CPXM2: variants seen among roughly 807,000 people sequenced by gnomAD.
CPXM2 encodes inactive carboxypeptidase-like protein X2.
CPXM2 carries 66 observed loss-of-function variants against 86.1 expected under a neutral mutation model. The observed-to-expected ratio is 0.77, with a 90% CI of 0.63 to 0.94. The LOEUF (loss-of-function observed/expected upper bound fraction) is 0.94, where lower values mean the gene tolerates loss of function less well. CPXM2 is among the 40% of genes least tolerant of loss of function. The probability of loss-of-function intolerance (pLI) is 0.00; values close to 1 mark genes in which losing one functional copy is unlikely to be tolerated. For missense variants in CPXM2, 948 were observed against 1,026.3 expected (o/e 0.92, Z 1.04); for synonymous variants, 388 against 400.2 (o/e 0.97, Z 0.36).
At chr10:123,829,872 G>A (rs1409252514) in intron 4 of CPXM2, among the ~76,000 whole-genome samples, 1 of 151,728 alleles carries the variant, frequency 6.6e-6, no homozygotes, top group East Asian at 1.9e-4. Flanking sequence ...CAGGAATGTA[G>A]GCTATCCTGG....
intron 1 of CPXM2, among the ~76,000 whole-genome samples, chr10:123,882,731 C>G (rs563193262): frequency 6.6e-6 from 1 of 152,136 alleles, no homozygotes; most frequent in East Asian, 1.9e-4. Context: ...ATGGCCTGGG[C>G]AGCTCCCAAT....
intron 2 of CPXM2, among the ~76,000 whole-genome samples, chr10:123,878,513 G>A (rs865818613): frequency 0.023 from 3,030 of 134,598 alleles, 46 homozygotes; most frequent in Middle Eastern, 0.035. Flanking sequence ...AGACGTGTGT[G>A]TGTGTGTGTG....
At chr10:123,828,798 T>A (rs935647667) in intron 4 of CPXM2, among the ~76,000 whole-genome samples, 2 of 152,228 alleles carry the variant, frequency 1.3e-5, no homozygotes, top group Admixed American at 1.3e-4. Context: ...GTTTGAGATC[T>A]AGGGCTTGAT....
At chr10:123,867,503 G>T (rs955560757) in intron 2 of CPXM2, among the ~76,000 whole-genome samples, 12 of 149,746 alleles carry the variant, frequency 8.0e-5, no homozygotes, top group African/African-American at 2.7e-4. Flanking sequence ...TCTACCTTCA[G>T]AGCGTCATCC....
intron 2 of CPXM2, among the ~76,000 whole-genome samples, chr10:123,897,715 G>A (rs1351354992): frequency 7.2e-5 from 11 of 152,230 alleles, no homozygotes; most frequent in African/African-American, 2.4e-4. Context: ...CTTAATGCAT[G>A]AAGCCCGAAA....
At chr10:123,880,914 G>A (rs894013808) in intron 1 of CPXM2, among the ~76,000 whole-genome samples, 2 of 145,384 alleles carry the variant, frequency 1.4e-5, no homozygotes, top group Admixed American at 6.8e-5. Flanking sequence ...ATCATTTGTA[G>A]TTTCTGGAAC....
chr10:123,830,581 T>G (rs1848142909), intron 4 of CPXM2, among the ~76,000 whole-genome samples: 1 of 152,148 alleles, frequency 6.6e-6, no homozygotes, highest in South Asian at 2.1e-4. Context: ...CTTTCCTCGT[T>G]TTTTAGGCCA....
chr10:123,861,157 G>A (rs956683956), intron 3 of CPXM2, among the ~76,000 whole-genome samples: 14 of 152,142 alleles, frequency 9.2e-5, no homozygotes, highest in African/African-American at 3.4e-4. Flanking sequence ...GGGGAGTCAG[G>A]GGTCCACTCT....
chr10:123,897,733 A>C (rs1945348949), intron 2 of CPXM2, among the ~76,000 whole-genome samples: 1 of 152,254 alleles, frequency 6.6e-6, no homozygotes, highest in African/African-American at 2.4e-5. Context: ...AAAGACAAGA[A>C]GCAAAATCAT....
intron 2 of CPXM2, among the ~76,000 whole-genome samples, chr10:123,912,249 A>C (rs1175445103): frequency 7.4e-6 from 1 of 134,628 alleles, no homozygotes; most frequent in Non-Finnish European, 1.5e-5. Context: ...CCTGACCATC[A>C]CATGATGGTC....
At chr10:123,866,506 A>C (rs1848984440) in intron 2 of CPXM2, among the ~76,000 whole-genome samples, 1 of 151,996 alleles carries the variant, frequency 6.6e-6, no homozygotes, top group East Asian at 1.9e-4. Context: ...CGGAGGTTGC[A>C]GTGAGCCGAG....
intron 2 of CPXM2, among the ~76,000 whole-genome samples, chr10:123,917,654 A>G (rs540624129): frequency 6.6e-6 from 1 of 152,322 alleles, no homozygotes; most frequent in African/African-American, 2.4e-5. Flanking sequence ...ATTTTACAGA[A>G]GTAGCAAGTT....
intron 4 of CPXM2, among the ~76,000 whole-genome samples, chr10:123,840,379 T>A (rs1046862340): frequency 6.6e-6 from 1 of 152,196 alleles, no homozygotes; most frequent in African/African-American, 2.4e-5. Flanking sequence ...ATGGCATAAA[T>A]GCATAATCAA....
chr10:123,786,310 A>G (rs1370581943), intron 6 of CPXM2, among the ~76,000 whole-genome samples: 1 of 152,226 alleles, frequency 6.6e-6, no homozygotes, highest in Non-Finnish European at 1.5e-5. Context: ...TTCTGTAGAC[A>G]GAGACGGACG....
intron 4 of CPXM2, among the ~76,000 whole-genome samples, chr10:123,840,171 T>C (rs2134150379): frequency 6.6e-6 from 1 of 152,326 alleles, no homozygotes; most frequent in East Asian, 1.9e-4. Context: ...AAACCAGTCT[T>C]TTGTTTTAAG....
intron 2 of CPXM2, among the ~76,000 whole-genome samples, chr10:123,938,940 C>G (rs1945748159): frequency 6.6e-6 from 1 of 152,086 alleles, no homozygotes; most frequent in Non-Finnish European, 1.5e-5. Flanking sequence ...CATAGCCCAC[C>G]CAGAGCTCCC....
At chr10:123,934,178 T>C (rs1945693396) in intron 2 of CPXM2, among the ~76,000 whole-genome samples, 1 of 152,164 alleles carries the variant, frequency 6.6e-6, no homozygotes, top group African/African-American at 2.4e-5. Flanking sequence ...CTGTACCCAA[T>C]GACACCGAGC....
intron 6 of CPXM2, among the ~76,000 whole-genome samples, chr10:123,789,712 G>T (rs1847161036): frequency 6.6e-6 from 1 of 152,220 alleles, no homozygotes. Flanking sequence ...ACCTGAACAA[G>T]GGAGGGGAAG....
Position 123,865,009 on chromosome 10 carries a change from C to T in CPXM2, c.404-2286G>A, listed in dbSNP as rs61861900. ...CTGCCCTCTCACGGGCTGAGTTTCC[C>T]GCCGCCAGCAGTGCTGGCAGCTGCC... On this transcript the variant is annotated intron_variant, in intron 2 of 13. Transcript: ENST00000241305. The surrounding 1 kb of genome is among the most constrained non-coding windows in gnomAD (Gnocchi z 4.7). 0.028 allele frequency among the ~76,000 whole-genome samples: 4,285 copies of T among 152,282 alleles called. 112 individuals carry two copies. The highest frequency in any genetic ancestry group is 0.037 in the Non-Finnish European group (2,500 of 68,016).
Sources: gnomAD v4.1 joint callset for allele counts (sites outside exome capture counted in the v4.1 genomes callset) on GRCh38, gnomAD v4.1.1 for gene constraint, Gnocchi (gnomAD v3.1) non-coding constraint, MANE v1.5 for transcripts, NCBI Gene and HGNC (gene_info 2026-07-23, HGNC 2026-07-21) for gene names.